The following NALF1 variants were observed in gnomAD, a reference collection of about 807,000 sequenced individuals.
The protein encoded by NALF1 is NALCN channel auxiliary factor 1.
A neutral mutation model predicts 48.4 loss-of-function variants in NALF1; 3 were observed. The observed-to-expected ratio is 0.06, with a 90% CI of 0.03 to 0.16. The LOEUF (loss-of-function observed/expected upper bound fraction) is 0.16, where lower values mean the gene tolerates loss of function less well. NALF1 is among the 10% of genes least tolerant of loss of function. The pLI is 1.00. For synonymous variants in NALF1, 262 were observed against 245.7 expected, an observed-to-expected ratio of 1.07 and a Z score of -0.62; for missense variants, 526 against 571.5, an observed-to-expected ratio of 0.92 and a Z score of 0.81.
intron 1 of NALF1, among the ~76,000 whole-genome samples, chr13:107,346,465 G>T (rs1882774909): frequency 6.6e-6 from 1 of 152,166 alleles, no homozygotes; most frequent in Admixed American, 6.5e-5. Flanking sequence ...GTCCTGTCAT[G>T]TTCTACAACA....
At chr13:107,194,061 T>TA (rs1205327167) in intron 2 of NALF1, among the ~76,000 whole-genome samples, 1 of 101,658 alleles carries the variant, frequency 9.8e-6, no homozygotes, top group Non-Finnish European at 2.0e-5. Flanking sequence ...TCTATCTATA[T>TA]ATCAATCTAT....
chr13:107,842,906 T>C (rs1880079187), intron 1 of NALF1, among the ~76,000 whole-genome samples: 1 of 152,102 alleles, frequency 6.6e-6, no homozygotes, highest in Admixed American at 6.6e-5. Flanking sequence ...TAGGTAACAC[T>C]AGGATACGGC....
chr13:107,472,999 A>C (rs1390031080), intron 1 of NALF1, among the ~76,000 whole-genome samples: 1 of 152,136 alleles, frequency 6.6e-6, no homozygotes, highest in East Asian at 1.9e-4. Flanking sequence ...TTCTATTCCC[A>C]AGCACTGCTC....
chr13:107,713,892 G>A (rs1875673304), intron 1 of NALF1, among the ~76,000 whole-genome samples: 1 of 152,096 alleles, frequency 6.6e-6, no homozygotes, highest in Non-Finnish European at 1.5e-5. Flanking sequence ...ATGCATTATA[G>A]GCAGTATGCT....
At chr13:107,172,390 G>A (rs1287252188) in intron 2 of NALF1, among the ~76,000 whole-genome samples, 1 of 152,114 alleles carries the variant, frequency 6.6e-6, no homozygotes, top group Non-Finnish European at 1.5e-5. Context: ...TGCCTGAGCA[G>A]AATACTTAAT....
chr13:107,709,054 C>A (rs1397815184), intron 1 of NALF1, among the ~76,000 whole-genome samples: 1 of 152,206 alleles, frequency 6.6e-6, no homozygotes. Flanking sequence ...CAATGGTATT[C>A]TAAAGTAAAA....
intron 1 of NALF1, among the ~76,000 whole-genome samples, chr13:107,350,285 T>C (rs973602582): frequency 6.6e-6 from 1 of 151,164 alleles, no homozygotes; most frequent in Non-Finnish European, 1.5e-5. Context: ...AACTTAATTG[T>C]GTAATAATAT....
intron 1 of NALF1, among the ~76,000 whole-genome samples, chr13:107,342,253 C>T (rs1882695167): frequency 6.6e-6 from 1 of 152,100 alleles, no homozygotes; most frequent in South Asian, 2.1e-4. Context: ...GGAGACAATT[C>T]AAATATACTA....
intron 1 of NALF1, among the ~76,000 whole-genome samples, chr13:107,470,329 TG>T (rs1566355935): frequency 6.6e-6 from 1 of 152,210 alleles, no homozygotes; most frequent in African/African-American, 2.4e-5. Context: ...CAAAAGTTCA[TG>T]GTTGAACATT....
intron 1 of NALF1, among the ~76,000 whole-genome samples, chr13:107,803,084 C>A (rs1162202448): frequency 1.3e-5 from 2 of 152,158 alleles, no homozygotes; most frequent in African/African-American, 2.4e-5. Flanking sequence ...TCCAAAAATA[C>A]TTCCTAAGCA....
intron 1 of NALF1, among the ~76,000 whole-genome samples, chr13:107,610,075 T>G (rs1879185008): frequency 6.6e-6 from 1 of 152,198 alleles, no homozygotes; most frequent in Non-Finnish European, 1.5e-5. Flanking sequence ...CTGTCTGCTC[T>G]CAGATTTACA....
At chr13:107,756,734 A>C (rs993666675) in intron 1 of NALF1, among the ~76,000 whole-genome samples, 1 of 152,106 alleles carries the variant, frequency 6.6e-6, no homozygotes, top group Non-Finnish European at 1.5e-5. Context: ...GGAGGTGCAA[A>C]AAAGAGGGTG....
intron 1 of NALF1, among the ~76,000 whole-genome samples, chr13:107,767,735 G>C (rs1026143599): frequency 1.3e-5 from 2 of 152,102 alleles, no homozygotes; most frequent in Admixed American, 6.6e-5. Flanking sequence ...ACTCTGGTTT[G>C]ACTTTATGGT....
At chr13:107,713,922 A>G in intron 1 of NALF1, among the ~76,000 whole-genome samples, 1 of 152,214 alleles carries the variant, frequency 6.6e-6, no homozygotes, top group Non-Finnish European at 1.5e-5. Flanking sequence ...GAAGGAGAGA[A>G]GTGTTATTAA....
intron 1 of NALF1, among the ~76,000 whole-genome samples, chr13:107,528,792 G>A (rs566432483): frequency 2.6e-5 from 4 of 152,122 alleles, no homozygotes; most frequent in East Asian, 3.9e-4. Flanking sequence ...TTGTCATCAC[G>A]ACGATTCATT....
At chr13:107,863,730 A>C (rs992782659) in intron 1 of NALF1, among the ~76,000 whole-genome samples, 1 of 152,188 alleles carries the variant, frequency 6.6e-6, no homozygotes, top group Non-Finnish European at 1.5e-5. Context: ...CTTACACTAT[A>C]CTTTATCGCT....
chr13:107,821,105 G>A (rs1244554070), intron 1 of NALF1, among the ~76,000 whole-genome samples: 1 of 152,012 alleles, frequency 6.6e-6, no homozygotes, highest in Non-Finnish European at 1.5e-5. Flanking sequence ...GTTTCCTTAA[G>A]GACTGAAAGT....
At chr13:107,193,152 T>C (rs1193114110) in intron 2 of NALF1, among the ~76,000 whole-genome samples, 2 of 152,066 alleles carry the variant, frequency 1.3e-5, no homozygotes. Context: ...AGGTTTTCCT[T>C]ATCTTCTTTT....
intron 1 of NALF1, among the ~76,000 whole-genome samples, chr13:107,859,004 G>C (rs887110566): frequency 6.6e-6 from 1 of 152,136 alleles, no homozygotes; most frequent in South Asian, 2.1e-4. Flanking sequence ...AGCTCCATAA[G>C]AAAGAGATCA....
Sources: gnomAD v4.1 joint callset for allele counts (sites outside exome capture counted in the v4.1 genomes callset) on GRCh38, gnomAD v4.1.1 for gene constraint, MANE v1.5 for transcripts, NCBI Gene and HGNC (gene_info 2026-07-23, HGNC 2026-07-21) for gene names.